RELN: variants seen among roughly 807,000 people sequenced by gnomAD.
RELN encodes reelin.
Under a neutral mutation model 427.6 loss-of-function variants are expected in RELN, and 108 were observed. The ratio of observed to expected loss-of-function variants is 0.25; its 90% CI spans 0.22 to 0.30. The LOEUF is 0.30. RELN is among the 10% of genes least tolerant of loss of function. The probability of loss-of-function intolerance (pLI) is 1.00; values close to 1 mark genes in which losing one functional copy is unlikely to be tolerated. For synonymous variants in RELN, 1,524 were observed against 1,513.4 expected (o/e 1.01, Z -0.16); for missense variants, 3,715 against 4,302.8 (o/e 0.86, Z 3.82).
rs149715692 is a variant in RELN, at chr7:103,989,244, A to T, written c.113T>A (p.Phe38Tyr). 1.4e-4 allele frequency: 232 copies of T among 1,613,886 alleles called. No individual in the cohort carries two copies. Among genetic ancestry groups the T allele is most frequent in the Non-Finnish European group, 1.8e-4 (214 of 1,179,964 alleles). Residue 38 changes from phenylalanine to tyrosine, a missense_variant, in exon 1 of 65, where the codon TTC becomes TAC. Coordinates refer to ENST00000428762, the MANE Select transcript of RELN (RefSeq NM_005045.4). The surrounding 1 kb of genome is among the most constrained non-coding windows in gnomAD (Gnocchi z 4.9). ...GYYPRFSPFF[F>Y]LCTHHGELEG... ...CAGCTCCCCGTGGTGGGTGCACAGG[A>T]AAAAGAAGGGCGAAAAGCGGGGGTA...
At chr7:103,775,870 T>C (rs1444085416) in intron 4 of RELN, among the ~76,000 whole-genome samples, 2 of 152,192 alleles carry the variant, frequency 1.3e-5, no homozygotes, top group Non-Finnish European at 2.9e-5. Context: ...TCAGTCTCTC[T>C]AGGGCAACAT....
intron 2 of RELN, among the ~76,000 whole-genome samples, chr7:103,901,838 G>A (rs1795091010): frequency 6.6e-6 from 1 of 151,984 alleles, no homozygotes; most frequent in Non-Finnish European, 1.5e-5. Context: ...GCATAATACA[G>A]TGAATATACT....
intron 2 of RELN, among the ~76,000 whole-genome samples, chr7:103,908,832 A>C (rs949796048): frequency 1.1e-4 from 17 of 152,098 alleles, no homozygotes; most frequent in Non-Finnish European, 1.8e-4. Flanking sequence ...AAAAGGAGAA[A>C]TTAATGGCAA....
chr7:103,766,311 T>C (rs907805681), intron 4 of RELN, among the ~76,000 whole-genome samples: 3 of 152,200 alleles, frequency 2.0e-5, no homozygotes, highest in East Asian at 3.8e-4. Context: ...TGCTTAACAC[T>C]GGGCACATTC....
rs769144537 is a variant in RELN, at chr7:103,566,687, A to G, written c.4661T>C (p.Phe1554Ser). The G allele has an allele frequency of 1.2e-6, 2 of 1,614,122 alleles. No homozygotes were observed. Among genetic ancestry groups the G allele is most frequent in the African/African-American group, 2.7e-5 (2 of 75,036 alleles). ...AATGGAAATGATCTGTGGTTCCAGG[A>G]AGGACATGAAGTCCAACTCTCGAAG... ...HLLRELDFMS[F>S]LEPQIISIDL... Residue 1554 changes from phenylalanine (F) to serine (S), a missense_variant, in exon 32 of 65, where the codon TTC (phenylalanine) becomes TCC (serine). Physicochemically the swap from Phe to Ser is radical, Grantham distance 155. Around this residue, in one of 4 missense-constraint regions of RELN, gnomAD observed 2,208 missense variants for 2,361.7 expected, o/e 0.93. Coordinates refer to ENST00000428762, the MANE Select transcript of RELN (RefSeq NM_005045.4).
chr7:103,791,100 C>T (rs1792151619), intron 3 of RELN, among the ~76,000 whole-genome samples: 1 of 151,716 alleles, frequency 6.6e-6, no homozygotes, highest in African/African-American at 2.4e-5. Context: ...CTAAACATCA[C>T]TGAAAAAAAA....
chr7:103,648,749 AC>A (rs1832848360), intron 16 of RELN, among the ~76,000 whole-genome samples: 5 of 152,198 alleles, frequency 3.3e-5, no homozygotes, highest in Admixed American at 3.3e-4. Context: ...ACAAGAAAAA[AC>A]GTATAGTTCC....
At chr7:103,919,573 C>A (rs1177294237) in intron 1 of RELN, among the ~76,000 whole-genome samples, 1 of 152,138 alleles carries the variant, frequency 6.6e-6, no homozygotes, top group Admixed American at 6.5e-5. Context: ...GGGGCCCTCT[C>A]CCCCAACCTA....
intron 2 of RELN, among the ~76,000 whole-genome samples, chr7:103,893,534 A>G (rs768814709): frequency 2.0e-5 from 3 of 152,216 alleles, no homozygotes; most frequent in Non-Finnish European, 4.4e-5. Flanking sequence ...CTAGTCATTG[A>G]AAGTACAAAT....
chr7:103,653,378 C>T (rs773202780), intron 13 of RELN, among the ~76,000 whole-genome samples: 5 of 151,982 alleles, frequency 3.3e-5, no homozygotes, highest in Non-Finnish European at 7.4e-5. Context: ...CTGGTTGTTT[C>T]CCATTCTAAC....
In RELN at chr7:103,610,399, G is replaced by A. The variant is rs376858803; in HGVS notation, c.3008+296C>T. The stretch of plus-strand genomic sequence containing the variant: ...TTTGTATGTCAAACTGAAAGTAACC[G>A]ACTCATTGAGTTCTCCCATAAAAAG... On this transcript the variant is annotated intron_variant, in intron 22 of 64. Coordinates refer to ENST00000428762, the MANE Select transcript of RELN (RefSeq NM_005045.4). Among the ~76,000 whole-genome samples, 14 of 152,012 alleles carry A rather than the reference G, an allele frequency of 9.2e-5. No individual in the cohort carries two copies. In the East Asian group the frequency reaches 1.2e-3, roughly 13 times the overall value.
chr7:103,802,122 T>C (rs894397161), intron 3 of RELN, among the ~76,000 whole-genome samples: 2 of 152,032 alleles, frequency 1.3e-5, no homozygotes, highest in Non-Finnish European at 2.9e-5. Context: ...TGTTTGAACA[T>C]GAAAATAAGA....
intron 45 of RELN, among the ~76,000 whole-genome samples, chr7:103,538,665 T>G (rs577992431): frequency 6.6e-6 from 1 of 152,284 alleles, no homozygotes; most frequent in African/African-American, 2.4e-5. Flanking sequence ...AATATATATA[T>G]TAATAAGCCC....
Position 103,728,113 on chromosome 7 carries a change from G to C in RELN, c.751C>G (p.Leu251Val). 1 of 1,613,564 alleles carries C rather than the reference G, an allele frequency of 6.2e-7. No homozygotes were observed. Among genetic ancestry groups the C allele is most frequent in the Non-Finnish European group, 8.5e-7 (1 of 1,179,714 alleles). ...GTACATGAATAGCACATACTTACCA[G>C]TTCTCGTGGGCCATATGGTTCACAG... Reference protein sequence around the residue: ...TFCEPYGPRELITTGLNTTTA... With the variant: ...TFCEPYGPREVITTGLNTTTA... Residue 251 changes from leucine to valine, a missense_variant and splice_region_variant, in exon 7 of 65, where the codon CTG becomes GTG. This residue lies in a region of RELN where 2,208 missense variants were observed against 2,361.7 expected (regional missense o/e 0.93). Coordinates refer to ENST00000428762, the MANE Select transcript of RELN (RefSeq NM_005045.4).
intron 20 of RELN, among the ~76,000 whole-genome samples, chr7:103,617,017 G>A (rs994731746): frequency 6.6e-6 from 1 of 152,116 alleles, no homozygotes. Context: ...CATTTACCAA[G>A]AACATCAACA....
At chr7:103,537,140 C>T (rs556208213) in intron 45 of RELN, among the ~76,000 whole-genome samples, 1 of 152,288 alleles carries the variant, frequency 6.6e-6, no homozygotes, top group African/African-American at 2.4e-5. Flanking sequence ...AGAAAAAACA[C>T]AATTTAGAAG....
chr7:103,545,822 G>C (rs910779797), intron 41 of RELN, among the ~76,000 whole-genome samples: 1 of 152,092 alleles, frequency 6.6e-6, no homozygotes, highest in African/African-American at 2.4e-5. Flanking sequence ...TTTTAGTAGA[G>C]ATGGGGTTTC....
intron 4 of RELN, among the ~76,000 whole-genome samples, chr7:103,753,595 T>C (rs574504112): frequency 7.9e-5 from 12 of 152,252 alleles, no homozygotes; most frequent in Admixed American, 7.2e-4. Flanking sequence ...ACAAGCCAAA[T>C]CTGAAGCTTC....
chr7:103,552,740 T>C (rs1232787185), intron 40 of RELN, among the ~76,000 whole-genome samples: 1 of 152,098 alleles, frequency 6.6e-6, no homozygotes, highest in African/African-American at 2.4e-5. Flanking sequence ...GACCTCATGA[T>C]CTGCCTGCCT....
Sources: allele counts gnomAD v4.1 joint callset (sites outside exome capture counted in the v4.1 genomes callset), GRCh38; gene constraint gnomAD v4.1.1; regional missense constraint gnomAD v4.1.1; non-coding constraint Gnocchi (gnomAD v3.1); transcripts MANE v1.5; gene names NCBI Gene and HGNC (gene_info 2026-07-23, HGNC 2026-07-21).